The following TARM1 variants were observed in gnomAD, a reference collection of about 807,000 sequenced individuals.
The protein encoded by TARM1 is T-cell-interacting, activating receptor on myeloid cells protein 1.
A neutral mutation model predicts 30.4 loss-of-function variants in TARM1; 24 were observed. The ratio of observed to expected loss-of-function variants is 0.79; its 90% CI spans 0.57 to 1.11. The LOEUF is 1.11. TARM1 is among the 50% of genes least tolerant of loss of function. TARM1 has a pLI of 0.00. For missense variants in TARM1, 323 were observed against 332.8 expected, an observed-to-expected ratio of 0.97 and a Z score of 0.23; for synonymous variants, 129 against 138.9, an observed-to-expected ratio of 0.93 and a Z score of 0.50.
intron 3 of TARM1, among the ~76,000 whole-genome samples, chr19:54,074,441 G>C (rs112227086): frequency 0.084 from 12,849 of 152,182 alleles, 581 homozygotes; most frequent in Middle Eastern, 0.13. Context: ...CCAGCACTTT[G>C]GGAGGCCAAG....
chr19:54,078,722 C>T (rs1471016838), intron 1 of TARM1, among the ~76,000 whole-genome samples: 4 of 149,928 alleles, frequency 2.7e-5, no homozygotes, highest in African/African-American at 9.8e-5. Context: ...AGGCTAGTCT[C>T]GAACTCCTGG....
chr19:54,076,143 CCTCCCCCTG>C, intron 1 of TARM1: 2 of 1,481,136 alleles, frequency 1.4e-6, no homozygotes, highest in Non-Finnish European at 1.8e-6. Context: ...GTGGCTGTCA[CCTCCCCCTG>C]CTCCAGGCCT....
chr19:54,081,206 C>G (rs2072122428), intron 1 of TARM1, 101 bp downstream of exon 1: 12 of 1,196,224 alleles, frequency 1.0e-5, no homozygotes, highest in Non-Finnish European at 1.3e-5. Context: ...CCCGTGTGCT[C>G]AGTAAGCCAA....
intron 4 of TARM1, among the ~76,000 whole-genome samples, chr19:54,071,247 C>T (rs527980818): frequency 3.4e-4 from 52 of 152,172 alleles, no homozygotes; most frequent in Middle Eastern, 6.8e-3. Context: ...CCTGAGCCAC[C>T]GCGCCCGGCC....
At chr19:54,074,273 C>A (rs761539396) in intron 3 of TARM1, 57 bp from the exon 4 acceptor site, 145 of 1,468,674 alleles carry the variant, frequency 9.9e-5, no homozygotes, top group Non-Finnish European at 1.3e-4. Context: ...CCCCCACTCA[C>A]CCCTGTTCTC....
intron 2 of TARM1, 42 bp from the exon 3 acceptor site, chr19:54,075,156 C>A: frequency 6.7e-7 from 1 of 1,498,242 alleles, no homozygotes; most frequent in Non-Finnish European, 8.9e-7. Flanking sequence ...GATGCCCTCC[C>A]CTGCTCTCAG....
rs1393448113 is a variant in TARM1, at chr19:54,074,310, G to A, written c.362-94C>T. The A allele has an allele frequency of 1.5e-5, 17 of 1,167,712 alleles. No individual in the cohort carries two copies. The East Asian group carries it at 4.1e-4, about 28-fold the overall frequency. 72.3% of individuals were successfully genotyped at this position (1,167,712 alleles called of 1,614,324 possible). ...TGGCCGGAGGCTCTCGTGGAGTGTG[G>A]GAAATGAGAGATTCCTGATCTCTTC... is the stretch of plus-strand genomic sequence containing the variant. On this transcript the variant is annotated intron_variant, in intron 3 of 4. Transcript: ENST00000432826.
intron 1 of TARM1, among the ~76,000 whole-genome samples, chr19:54,080,929 G>A (rs2072114896): frequency 6.6e-6 from 1 of 151,964 alleles, no homozygotes; most frequent in African/African-American, 2.4e-5. Context: ...CCGAGATCAC[G>A]CCATTGCACT....
chr19:54,075,810 G>C, intron 2 of TARM1, 73 bp downstream of exon 2: 5 of 1,475,928 alleles, frequency 3.4e-6, no homozygotes, highest in Non-Finnish European at 3.7e-6. Flanking sequence ...GAGAAAAAGA[G>C]GGGGAAGGGG....
Position 54,069,963 on chromosome 19 carries a change from G to C in TARM1, c.*40C>G. 6.7e-7 allele frequency: 1 copy of C among 1,491,200 alleles called. No homozygotes were observed. The allele number at this position is 1,491,200 out of a possible 1,614,324, so 92.4% of individuals were successfully genotyped here. On this transcript the variant is annotated 3_prime_UTR_variant, in exon 5 of 5. Transcript: ENST00000432826. ...ACCCCCTGGGAATGCAGTCCAGCAG[G>C]TTGCAGCCTCAGTTTACCCAGCCCC...
At position 54,074,279 on chromosome 19, in the gene TARM1, T is replaced by C. The variant is rs1294841951; in HGVS notation, c.362-63A>G. The C allele has an allele frequency of 8.2e-6, 12 of 1,455,020 alleles. No individual in the cohort carries two copies. In the East Asian group the frequency reaches 2.2e-4, roughly 27 times the overall value. The allele number at this position is 1,455,020 out of a possible 1,614,324, so 90.1% of individuals were successfully genotyped here. A position where few individuals can be genotyped will look rare whatever the true frequency, so the allele number is the denominator to read the frequency against. ...GTCTGGAATCCCCCACTCACCCCTG[T>C]TCTCCTGGCCGGAGGCTCTCGTGGA... On this transcript the variant is annotated intron_variant, in intron 3 of 4. Transcript: ENST00000432826.
chr19:54,075,557 G>A (rs1297258211), intron 2 of TARM1, among the ~76,000 whole-genome samples: 2 of 151,500 alleles, frequency 1.3e-5, no homozygotes, highest in Admixed American at 6.6e-5. Context: ...CACCTTGGGA[G>A]GCCAAGGCAG....
chr19:54,074,086 C>G lies in TARM1; in HGVS notation c.492G>C (p.Gly164=), dbSNP rs1209062730. The G allele has an allele frequency of 2.6e-6, 4 of 1,551,694 alleles. No homozygotes were observed. The highest frequency in any genetic ancestry group is 3.5e-6 in the Non-Finnish European group (4 of 1,147,002). ...VPIMFALLKA[G]TPSPIQLQSP... is the part of the protein sequence containing the mutation. ...TCTGCAGCTGGATGGGTGATGGCGT[C>G]CCTGCCTTCAGTAGAGCGAACATGA... The change falls in exon 4 of 5, where the codon GGG becomes GGC. Residue 164 remains glycine (G), a synonymous_variant. Transcript: ENST00000432826.
intron 1 of TARM1, among the ~76,000 whole-genome samples, chr19:54,080,152 C>A (rs865870782): frequency 0.94 from 66,299 of 70,754 alleles, 31,508 homozygotes; most frequent in Middle Eastern, 0.99. Context: ...AGCAAGCAAG[C>A]AAGCAAGCAA....
intron 1 of TARM1, among the ~76,000 whole-genome samples, chr19:54,077,158 G>A (rs1406222241): frequency 1.3e-5 from 2 of 152,012 alleles, no homozygotes; most frequent in East Asian, 1.9e-4. Flanking sequence ...CGAGGCAGGT[G>A]GATCACGAGG....
intron 2 of TARM1, among the ~76,000 whole-genome samples, 192 bp downstream of exon 2, chr19:54,075,691 G>T (rs2071932556): frequency 6.6e-6 from 1 of 151,836 alleles, no homozygotes; most frequent in Non-Finnish European, 1.5e-5. Context: ...TACTTGGGAG[G>T]CTGAGACAGG....
At chr19:54,075,997 C>G in intron 1 of TARM1, 79 bp from the exon 2 acceptor site, 1 of 1,520,074 alleles carries the variant, frequency 6.6e-7, no homozygotes, top group Non-Finnish European at 8.9e-7. Context: ...GGAGATCGTC[C>G]CAGAGTCTCC....
In TARM1 at chr19:54,069,989, G is replaced by A. The variant is rs555191785; in HGVS notation, c.*14C>T. On this transcript the variant is annotated 3_prime_UTR_variant, in exon 5 of 5. Coordinates refer to ENST00000432826, the MANE Select transcript of TARM1 (RefSeq NM_001135686.3). ...TTGCAGCCTCAGTTTACCCAGCCCC[G>A]GTTCAAGATGGAGTCACTCTGGTTT... 249 of 1,545,992 alleles carry A rather than the reference G, an allele frequency of 1.6e-4. 3 individuals are homozygous for A. The Middle Eastern group carries it at 1.7e-3, about 10-fold the overall frequency.
Position 54,073,956 on chromosome 19 carries a change from A to C in TARM1, c.622T>G (p.Ser208Ala). ...YYQTKSPFWA[S>A]EPSDQLEILV... is the part of the protein sequence containing the mutation. The stretch of plus-strand genomic sequence containing the variant: ...ATCTCAAGCTGATCACTGGGTTCTG[A>C]GGCCCAGAAGGGAGACTTTGTCTGG... The change falls in exon 4 of 5, where the codon TCA (serine) becomes GCA (alanine). Residue 208 changes from serine (S) to alanine (A), a missense_variant. By Grantham distance (99) the Ser-to-Ala change is moderately conservative. Transcript: ENST00000432826. The C allele has an allele frequency of 6.4e-7, 1 of 1,551,698 alleles. No individual in the cohort carries two copies. The highest frequency in any genetic ancestry group is 8.7e-7 in the Non-Finnish European group (1 of 1,147,006).
Sources: gnomAD v4.1 joint callset for allele counts (sites outside exome capture counted in the v4.1 genomes callset) on GRCh38, gnomAD v4.1.1 for gene constraint, MANE v1.5 for transcripts, NCBI Gene and HGNC (gene_info 2026-07-23, HGNC 2026-07-21) for gene names.